The following PHF12 variants were observed in gnomAD, a reference collection of about 807,000 sequenced individuals.
PHF12 encodes PHD finger protein 12.
A neutral mutation model predicts 99.8 loss-of-function variants in PHF12; 6 were observed. That is an observed-to-expected ratio of 0.06 (90% CI 0.03 to 0.12). PHF12 has a LOEUF of 0.12. PHF12 is among the 10% of genes least tolerant of loss of function. The pLI is 1.00. For synonymous variants in PHF12, 480 were observed against 514.9 expected (o/e 0.93, Z 0.92); for missense variants, 954 against 1,300.1 (o/e 0.73, Z 4.09).
At chr17:28,926,951 T>A (rs371111447) in intron 3 of PHF12, 40 bp downstream of exon 3, 1 of 1,610,898 alleles carries the variant, frequency 6.2e-7, no homozygotes, top group Non-Finnish European at 8.5e-7. Flanking sequence ...GTGCTCTGGA[T>A]CAGGCTTTCT....
intron 2 of PHF12, among the ~76,000 whole-genome samples, chr17:28,933,583 T>A (rs2040454217): frequency 6.6e-6 from 1 of 152,228 alleles, no homozygotes; most frequent in African/African-American, 2.4e-5. Flanking sequence ...GTCTTCTTAT[T>A]TCTGGGGTAC....
Position 28,905,736 on chromosome 17 carries a change from A to C in PHF12, c.*447T>G. On this transcript the variant is annotated 3_prime_UTR_variant, in exon 15 of 15. Coordinates refer to ENST00000332830, the MANE Select transcript of PHF12 (RefSeq NM_001033561.2). Reference sequence around the variant, plus strand: ...TCTTTATATTAAATAAAACAATGATATTGTATAGATTTTGCTGTATGAAAA... The same window carrying C: ...TCTTTATATTAAATAAAACAATGATCTTGTATAGATTTTGCTGTATGAAAA... The C allele has an allele frequency of 6.5e-6, 1 of 154,650 alleles. No individual in the cohort carries two copies. The highest frequency in any genetic ancestry group is 1.4e-5 in the Non-Finnish European group (1 of 69,498). 9.6% of individuals were successfully genotyped at this position (154,650 alleles called of 1,614,324 possible).
Position 28,950,296 on chromosome 17 carries a change from G to T in PHF12, c.67-50C>A. 1 of 1,537,730 alleles carries T rather than the reference G, an allele frequency of 6.5e-7. No individual in the cohort carries two copies. Among genetic ancestry groups the T allele is most frequent in the Non-Finnish European group, 8.7e-7 (1 of 1,144,142 alleles). Reference sequence around the variant, plus strand: ...TGTGCACACTCGGAGCTCCCGGGCGGTCCGTCGCCCCCCCGGCGCGGTTTC... The same window carrying T: ...TGTGCACACTCGGAGCTCCCGGGCGTTCCGTCGCCCCCCCGGCGCGGTTTC... On this transcript the variant is annotated intron_variant, in intron 1 of 14. Coordinates refer to ENST00000332830, the MANE Select transcript of PHF12 (RefSeq NM_001033561.2). This position sits in a 1 kb window ranked among gnomAD's most constrained non-coding sequence, Gnocchi z 5.7.
At chr17:28,909,659 T>G (rs774416619) in intron 11 of PHF12, 37 of 174,782 alleles carry the variant, frequency 2.1e-4, no homozygotes, top group African/African-American at 8.1e-4. Context: ...GGCACAATCA[T>G]AGCTCACTGC....
At chr17:28,931,049 A>G (rs548808862) in intron 2 of PHF12, among the ~76,000 whole-genome samples, 8 of 152,286 alleles carry the variant, frequency 5.3e-5, no homozygotes, top group South Asian at 4.1e-4. Flanking sequence ...CAACAGAGTG[A>G]GACCCTGTCT....
intron 4 of PHF12, among the ~76,000 whole-genome samples, chr17:28,922,287 T>C (rs2040181034): frequency 6.6e-6 from 1 of 151,940 alleles, no homozygotes; most frequent in African/African-American, 2.4e-5. Flanking sequence ...AGAGATGGGG[T>C]CTCATTATGT....
At chr17:28,937,232 C>A (rs1386559625) in intron 2 of PHF12, among the ~76,000 whole-genome samples, 2 of 152,188 alleles carry the variant, frequency 1.3e-5, no homozygotes, top group African/African-American at 4.8e-5. Flanking sequence ...GCAGAAATAG[C>A]TAGCTTCCTC....
chr17:28,924,646 G>C (rs574732648), intron 3 of PHF12: 5 of 346,926 alleles, frequency 1.4e-5, no homozygotes, highest in Non-Finnish European at 2.7e-5. Flanking sequence ...TAAATTTAGT[G>C]AGACCAATAG....
chr17:28,917,332 G>C lies in PHF12; in HGVS notation c.1087C>G (p.Pro363Ala), dbSNP rs765931760. ...DFLNRIHKKH[P>A]PNRRVLQSVK... ...GACTGGAGCACACGCCGGTTAGGGG[G>C]GTGCTTCTTGTGGATTCGGTTCAGG... is the stretch of plus-strand genomic sequence containing the variant. Residue 363 changes from proline to alanine, a missense_variant, in exon 7 of 15, where the codon CCC becomes GCC. Coordinates refer to ENST00000332830, the MANE Select transcript of PHF12 (RefSeq NM_001033561.2). 94 of 1,613,932 alleles carry C rather than the reference G, an allele frequency of 5.8e-5. No homozygotes were observed. Among genetic ancestry groups the C allele is most frequent in the Non-Finnish European group, 7.7e-5 (91 of 1,180,012 alleles).
intron 5 of PHF12, among the ~76,000 whole-genome samples, chr17:28,919,520 G>T (rs1216884062): frequency 6.6e-6 from 1 of 151,936 alleles, no homozygotes; most frequent in Non-Finnish European, 1.5e-5. Flanking sequence ...ATTGCCTGAG[G>T]TCAGGAGACT....
Position 28,912,737 on chromosome 17 carries a change from A to T in PHF12, c.1834T>A (p.Ser612Thr), listed in dbSNP as rs1247713100. 2 of 1,614,178 alleles carry T rather than the reference A, an allele frequency of 1.2e-6. No homozygotes were observed. The highest frequency in any genetic ancestry group is 2.2e-5 in the South Asian group (2 of 91,086). Residue 612 changes from serine to threonine, a missense_variant, in exon 9 of 15, where the codon TCT (serine) becomes ACT (threonine). This residue lies in a region of PHF12 where 392 missense variants were observed against 423.1 expected (regional missense o/e 0.93). Coordinates refer to ENST00000332830, the MANE Select transcript of PHF12 (RefSeq NM_001033561.2). ...VKTENATGPSSCPQRSLVPVP... is the reference protein window; with the variant it reads ...VKTENATGPSTCPQRSLVPVP... ...GGAACCAAACTCCTCTGGGGGCAAG[A>T]GCTGGGGCCAGTGGCATTCTCTGTC...
At chr17:28,909,716 A>C in intron 11 of PHF12, 1 of 240,436 alleles carries the variant, frequency 4.2e-6, no homozygotes, top group South Asian at 6.0e-5. Flanking sequence ...TTAGCCTTCC[A>C]AGCAGCTGGG....
chr17:28,938,286 A>C (rs1026924739), intron 2 of PHF12, among the ~76,000 whole-genome samples: 8 of 152,164 alleles, frequency 5.3e-5, no homozygotes, highest in African/African-American at 1.9e-4. Flanking sequence ...GTTGGAGTGC[A>C]ATGGCACCAT....
chr17:28,948,648 C>A (rs1429761368), intron 2 of PHF12, among the ~76,000 whole-genome samples: 1 of 152,114 alleles, frequency 6.6e-6, no homozygotes, highest in African/African-American at 2.4e-5. Flanking sequence ...ATAAGTGTTC[C>A]CAAACCTGCA....
chr17:28,912,779 C>T lies in PHF12; in HGVS notation c.1792G>A (p.Val598Ile), dbSNP rs560214442. ...TTCTCTGTCTTCACAATGATGCCGA[C>T]GGTGTGGTTCTGAAGGCCCCCAGCC... ...PAAGGLQNHT[V>I]GIIVKTENAT... The change falls in exon 9 of 15, where the codon GTC becomes ATC. Residue 598 changes from valine to isoleucine, a missense_variant. Coordinates refer to ENST00000332830, the MANE Select transcript of PHF12 (RefSeq NM_001033561.2). The T allele has an allele frequency of 8.3e-5, 134 of 1,612,726 alleles. 2 individuals are homozygous for T. In the South Asian group the frequency reaches 1.0e-3, roughly 12 times the overall value.
chr17:28,912,407 A>G (rs779049376), intron 9 of PHF12, 75 bp downstream of exon 9: 1 of 1,508,816 alleles, frequency 6.6e-7, no homozygotes, highest in Admixed American at 2.3e-5. Context: ...CAGGGATATA[A>G]GTGCTTTTAG....
chr17:28,937,837 G>A (rs2040536626), intron 2 of PHF12, among the ~76,000 whole-genome samples: 1 of 152,186 alleles, frequency 6.6e-6, no homozygotes, highest in Non-Finnish European at 1.5e-5. Context: ...AGAAAGATGG[G>A]CTGGGGTGCA....
chr17:28,942,962 C>T (rs1336277941), intron 2 of PHF12, among the ~76,000 whole-genome samples: 1 of 151,916 alleles, frequency 6.6e-6, no homozygotes, highest in East Asian at 1.9e-4. Flanking sequence ...ACTCTCATAA[C>T]TCAATTAAAA....
chr17:28,950,361 TC>T lies in PHF12; in HGVS notation c.67-116del. 1 of 1,189,876 alleles carries T rather than the reference TC, an allele frequency of 8.4e-7. No individual in the cohort carries two copies. The highest frequency in any genetic ancestry group is 1.5e-5 in the South Asian group (1 of 65,886). The allele number at this position is 1,189,876 out of a possible 1,614,324, so 73.7% of individuals were successfully genotyped here. ...CTCTCCCCCCTTTTGTCCTTCTTCC[TC>T]CCATCCAGGCTGCTCCCAGAATCTC... is the stretch of plus-strand genomic sequence containing the variant. On this transcript the variant is annotated intron_variant, in intron 1 of 14. Coordinates refer to ENST00000332830, the MANE Select transcript of PHF12 (RefSeq NM_001033561.2). The surrounding 1 kb of genome is among the most constrained non-coding windows in gnomAD (Gnocchi z 5.7).
Sources: gnomAD v4.1 joint callset for allele counts (sites outside exome capture counted in the v4.1 genomes callset) on GRCh38, gnomAD v4.1.1 for gene constraint, gnomAD v4.1.1 regional missense constraint, Gnocchi (gnomAD v3.1) non-coding constraint, MANE v1.5 for transcripts, NCBI Gene and HGNC (gene_info 2026-07-23, HGNC 2026-07-21) for gene names.